Variants in CAMK2A observed in about 807,000 individuals in gnomAD.
CAMK2A encodes the protein calcium/calmodulin-dependent protein kinase type II subunit alpha.
CAMK2A carries 7 observed loss-of-function variants against 79.2 expected under a neutral mutation model. The observed-to-expected ratio is 0.09, with a 90% CI of 0.05 to 0.17. The LOEUF is 0.17. Among genes scored for constraint, CAMK2A ranks in the 10% least tolerant of loss-of-function variants. The pLI is 1.00. For synonymous variants in CAMK2A, 242 were observed against 251.7 expected, an observed-to-expected ratio of 0.96 and a Z score of 0.36; for missense variants, 214 against 646.4, an observed-to-expected ratio of 0.33 and a Z score of 7.25.
At chr5:150,242,304 C>T (rs116311071) in intron 13 of CAMK2A, among the ~76,000 whole-genome samples, 238 of 152,252 alleles carry the variant, frequency 1.6e-3, no homozygotes, top group African/African-American at 5.6e-3. Context: ...AAGTAGAAAC[C>T]GCATCTCTTA....
chr5:150,279,295 C>T (rs114881962), intron 1 of CAMK2A, among the ~76,000 whole-genome samples: 89 of 152,230 alleles, frequency 5.8e-4, no homozygotes, highest in African/African-American at 1.5e-3. Context: ...TTGGAGAGCG[C>T]GGTTCAACAT....
In CAMK2A at chr5:150,220,773, A is replaced by G. The variant is rs1754270050; in HGVS notation, c.*1937T>C. The G allele has an allele frequency of 6.6e-6, 1 of 152,136 alleles. No homozygotes were observed. The highest frequency in any genetic ancestry group is 1.5e-5 in the Non-Finnish European group (1 of 68,026). The allele number at this position is 152,136 out of a possible 1,614,324, so 9.4% of individuals were successfully genotyped here. ...AGAGGCCAGTGATGGACCAGCTTGGAAACCAGGAGGCCTGGGCAGCATCTC... is the reference window on the plus strand; with the variant it reads ...AGAGGCCAGTGATGGACCAGCTTGGGAACCAGGAGGCCTGGGCAGCATCTC... On this transcript the variant is annotated 3_prime_UTR_variant, in exon 19 of 19. Transcript: ENST00000671881.
Position 150,256,441 on chromosome 5 carries a change from C to T in CAMK2A, c.411+132G>A, listed in dbSNP as rs1177157053. 6.2e-6 allele frequency: 4 copies of T among 647,176 alleles called. No homozygotes were observed. Among genetic ancestry groups the T allele is most frequent in the Non-Finnish European group, 1.1e-5 (4 of 365,454 alleles). The allele number at this position is 647,176 out of a possible 1,614,324, so 40.1% of individuals were successfully genotyped here. A position where few individuals can be genotyped will look rare whatever the true frequency, so the allele number is the denominator to read the frequency against. On this transcript the variant is annotated intron_variant, in intron 6 of 18. Transcript: ENST00000671881. This position sits in a 1 kb window ranked among gnomAD's most constrained non-coding sequence, Gnocchi z 4.6. ...ATCTGAACAGTGGGGAAAATAATCT[C>T]ACCCACCCCACCTTCCAGCCTAACA...
At chr5:150,269,437 C>T (rs1025138456) in intron 2 of CAMK2A, among the ~76,000 whole-genome samples, 2 of 151,812 alleles carry the variant, frequency 1.3e-5, no homozygotes, top group Non-Finnish European at 2.9e-5. Flanking sequence ...GGAGTGGACT[C>T]CCCTGGGCTC....
rs767783317 is a variant in CAMK2A, at chr5:150,223,007, G to A, written c.1448C>T (p.Ala483Val). ...WQIVHFHRSG[A>V]PSVLPH ...TTCTTACTGGGGCAGGACGGAGGGCGCCCCAGATCTGTGGAAGTGGACGAT... is the reference window on the plus strand; with the variant it reads ...TTCTTACTGGGGCAGGACGGAGGGCACCCCAGATCTGTGGAAGTGGACGAT... The change falls in exon 18 of 19, where the codon GCG becomes GTG. Residue 483 changes from alanine to valine, a missense_variant. Ala to Val is a moderately conservative substitution (Grantham distance 64). Around this residue, in one of 4 missense-constraint regions of CAMK2A, gnomAD observed 123 missense variants for 242.4 expected, o/e 0.51. Transcript: ENST00000671881. The surrounding 1 kb of genome is among the most constrained non-coding windows in gnomAD (Gnocchi z 4.1). The A allele has an allele frequency of 1.4e-5, 23 of 1,613,894 alleles. No individual in the cohort carries two copies. The highest frequency in any genetic ancestry group is 2.7e-5 in the African/African-American group (2 of 74,942).
In CAMK2A at chr5:150,256,010, C is replaced by T. The variant is rs1169311564; in HGVS notation, c.411+563G>A. ...GTGCAGCTGGTGCCAGTCCTAGACT[C>T]TGCAATCTCCTTCAGGTAAAAGAAA... On this transcript the variant is annotated intron_variant, in intron 6 of 18. Transcript: ENST00000671881. This position sits in a 1 kb window ranked among gnomAD's most constrained non-coding sequence, Gnocchi z 4.6. 6.6e-6 allele frequency among the ~76,000 whole-genome samples: 1 copy of T among 152,210 alleles called. No individual in the cohort carries two copies. Among genetic ancestry groups the T allele is most frequent in the East Asian group, 1.9e-4 (1 of 5,194 alleles).
At chr5:150,283,047 C>T (rs933661727) in intron 1 of CAMK2A, among the ~76,000 whole-genome samples, 1 of 152,208 alleles carries the variant, frequency 6.6e-6, no homozygotes, top group Non-Finnish European at 1.5e-5. Context: ...AAGGGGGAGA[C>T]ATAGTCCCCA....
At chr5:150,232,669 G>A (rs1754896944) in intron 15 of CAMK2A, among the ~76,000 whole-genome samples, 1 of 152,186 alleles carries the variant, frequency 6.6e-6, no homozygotes, top group African/African-American at 2.4e-5. Flanking sequence ...TGCCAGGATT[G>A]CAAGCTCAGG....
chr5:150,233,646 C>G (rs1488263712), intron 15 of CAMK2A, among the ~76,000 whole-genome samples: 2 of 152,152 alleles, frequency 1.3e-5, no homozygotes, highest in African/African-American at 4.8e-5. Flanking sequence ...TCATCCTGCC[C>G]CTTGGACTTG....
chr5:150,278,330 A>G (rs1757044869), intron 1 of CAMK2A, among the ~76,000 whole-genome samples: 1 of 151,804 alleles, frequency 6.6e-6, no homozygotes, highest in Non-Finnish European at 1.5e-5. Context: ...ATGAGAGTGA[A>G]GGCAGTGAGT....
At chr5:150,279,170 G>A (rs547532132) in intron 1 of CAMK2A, among the ~76,000 whole-genome samples, 1 of 152,280 alleles carries the variant, frequency 6.6e-6, no homozygotes, top group East Asian at 1.9e-4. Flanking sequence ...TGTCCACTGC[G>A]GCAGCCACTA....
intron 1 of CAMK2A, among the ~76,000 whole-genome samples, chr5:150,288,121 A>G (rs939576662): frequency 1.3e-5 from 2 of 152,036 alleles, no homozygotes; most frequent in Non-Finnish European, 2.9e-5. Flanking sequence ...ATGCGTGTGC[A>G]CACACACGTA....
chr5:150,276,955 C>T (rs566623248), intron 1 of CAMK2A, among the ~76,000 whole-genome samples: 5 of 152,234 alleles, frequency 3.3e-5, no homozygotes, highest in South Asian at 2.1e-4. Flanking sequence ...TCTGGCCGGG[C>T]GTGATGGCTC....
chr5:150,287,480 C>T (rs894833320), intron 1 of CAMK2A, among the ~76,000 whole-genome samples: 2 of 152,216 alleles, frequency 1.3e-5, no homozygotes, highest in African/African-American at 4.8e-5. Flanking sequence ...ACCAGGGCTC[C>T]CTTGCCCCTG....
intron 15 of CAMK2A, among the ~76,000 whole-genome samples, chr5:150,235,871 G>A (rs747888626): frequency 1.3e-5 from 2 of 152,156 alleles, no homozygotes; most frequent in Non-Finnish European, 2.9e-5. Context: ...GAGGCCGGGA[G>A]AGGCTGGGGG....
Position 150,270,303 on chromosome 5 carries a change from G to A in CAMK2A, c.157+2762C>T, listed in dbSNP as rs138091828. Among the ~76,000 whole-genome samples the A allele has an allele frequency of 6.6e-4, 100 of 152,298 alleles. 1 individual carries two copies. In the East Asian group the frequency reaches 0.016, roughly 24 times the overall value. Reference sequence around the variant, plus strand: ...TTTTAAAAAGCTCCCAAAGGTATTCGGCAGGGATTAGAACAGGCAAAATTT... The same window carrying A: ...TTTTAAAAAGCTCCCAAAGGTATTCAGCAGGGATTAGAACAGGCAAAATTT... On this transcript the variant is annotated intron_variant, in intron 2 of 18. Coordinates refer to ENST00000671881, the MANE Select transcript of CAMK2A (RefSeq NM_015981.4).
Position 150,256,938 on chromosome 5 carries a change from C to T in CAMK2A, c.273-107G>A. 1 of 938,322 alleles carries T rather than the reference C, an allele frequency of 1.1e-6. No homozygotes were observed. The allele number at this position is 938,322 out of a possible 1,614,324, so 58.1% of individuals were successfully genotyped here. ...ATGGGGCCCAGGGACCTCAGGACCT[C>T]AGCCACAAAAGGAGGGGCCCCAGGG... On this transcript the variant is annotated intron_variant, in intron 4 of 18. Coordinates refer to ENST00000671881, the MANE Select transcript of CAMK2A (RefSeq NM_015981.4). The surrounding 1 kb of genome is among the most constrained non-coding windows in gnomAD (Gnocchi z 4.6).
chr5:150,252,799 C>G (rs907762035), intron 7 of CAMK2A, among the ~76,000 whole-genome samples: 2 of 152,188 alleles, frequency 1.3e-5, no homozygotes, highest in African/African-American at 4.8e-5. Context: ...AATTATTATT[C>G]CCATTTTACA....
rs997768555 is a variant in CAMK2A at position 150,247,686 on chromosome 5, C to G, written c.943+86G>C. ...ACTCCCTCTCCCCAGGCCCAGTGGC[C>G]TGGGGGCACTCCAATATCTGACAGG... On this transcript the variant is annotated intron_variant, in intron 12 of 18. Transcript: ENST00000671881. 4.4e-6 allele frequency: 5 copies of G among 1,126,726 alleles called. No homozygotes were observed. The Admixed American group carries it at 1.0e-4, about 23-fold the overall frequency. 69.8% of individuals were successfully genotyped at this position (1,126,726 alleles called of 1,614,324 possible). A position where few individuals can be genotyped will look rare whatever the true frequency, so the allele number is the denominator to read the frequency against.
Sources: gnomAD v4.1 joint callset for allele counts (sites outside exome capture counted in the v4.1 genomes callset) on GRCh38, gnomAD v4.1.1 for gene constraint, gnomAD v4.1.1 regional missense constraint, Gnocchi (gnomAD v3.1) non-coding constraint, MANE v1.5 for transcripts, NCBI Gene and HGNC (gene_info 2026-07-23, HGNC 2026-07-21) for gene names.